HOOK3: variants seen among roughly 807,000 people sequenced by gnomAD.
HOOK3 encodes hook microtubule tethering protein 3.
In HOOK3, 24 loss-of-function variants were observed where a neutral mutation model predicts 116.3. The observed-to-expected ratio is 0.21, with a 90% CI of 0.15 to 0.29. The LOEUF is 0.29. Among genes scored for constraint, HOOK3 ranks in the 10% least tolerant of loss-of-function variants. The probability of loss-of-function intolerance (pLI) is 1.00; values close to 1 mark genes in which losing one functional copy is unlikely to be tolerated. For missense variants in HOOK3, 632 were observed against 830.2 expected (o/e 0.76, Z 2.93); for synonymous variants, 275 against 283.0 (o/e 0.97, Z 0.28).
At chr8:42,910,423 CAT>C (rs1451151242) in intron 2 of HOOK3, among the ~76,000 whole-genome samples, 1 of 151,984 alleles carries the variant, frequency 6.6e-6, no homozygotes, top group Non-Finnish European at 1.5e-5. Flanking sequence ...GATAATTTTG[CAT>C]ATATGTTTTG....
chr8:42,964,803 GGCAACAGA>G (rs1289198033), intron 9 of HOOK3, among the ~76,000 whole-genome samples: 1 of 151,622 alleles, frequency 6.6e-6, no homozygotes, highest in Admixed American at 6.6e-5. Flanking sequence ...CCCCAGCCTG[GGCAACAGA>G]ACGCGACTTT....
intron 2 of HOOK3, among the ~76,000 whole-genome samples, chr8:42,915,628 C>G (rs997648062): frequency 6.6e-6 from 1 of 152,024 alleles, no homozygotes; most frequent in Non-Finnish European, 1.5e-5. Context: ...GACGGGGTTT[C>G]ACTATGTTGG....
intron 13 of HOOK3, among the ~76,000 whole-genome samples, chr8:42,974,673 C>A (rs80202228): frequency 6.6e-6 from 1 of 152,364 alleles, no homozygotes; most frequent in Non-Finnish European, 1.5e-5. Context: ...ATTGCCTTTT[C>A]TTATTGGTCC....
chr8:42,939,052 G>A (rs1376315705), intron 4 of HOOK3, among the ~76,000 whole-genome samples: 1 of 152,180 alleles, frequency 6.6e-6, no homozygotes, highest in African/African-American at 2.4e-5. Context: ...CAGATCAACA[G>A]GATCCCAAGG....
chr8:42,951,168 C>G (rs942498728), intron 6 of HOOK3, among the ~76,000 whole-genome samples: 3 of 152,172 alleles, frequency 2.0e-5, no homozygotes, highest in Non-Finnish European at 4.4e-5. Context: ...TCAAGCAATT[C>G]TCCTGTCTCA....
intron 3 of HOOK3, among the ~76,000 whole-genome samples, chr8:42,929,383 C>A (rs1807830497): frequency 6.6e-6 from 1 of 152,138 alleles, no homozygotes; most frequent in Admixed American, 6.5e-5. Flanking sequence ...GCCTCAGTCC[C>A]TACTAGCTTC....
intron 3 of HOOK3, among the ~76,000 whole-genome samples, chr8:42,928,324 G>A (rs1372928720): frequency 4.0e-5 from 6 of 150,570 alleles, no homozygotes; most frequent in East Asian, 1.9e-4. Context: ...GGTGCCGGGC[G>A]CCTGTAATTC....
intron 2 of HOOK3, among the ~76,000 whole-genome samples, chr8:42,918,803 A>G (rs1193750246): frequency 2.0e-5 from 3 of 152,250 alleles, no homozygotes; most frequent in African/African-American, 7.2e-5. Context: ...ACAGAACAAA[A>G]TGGAGTCTCC....
In HOOK3 at chr8:43,013,129, C is replaced by T. The variant is rs1290797248; in HGVS notation, c.1918C>T (p.Arg640Ter). Residue 640 changes from arginine to a stop codon, truncating the protein, a stop_gained, in exon 20 of 22, where the codon CGA (arginine) becomes TGA (stop). Transcript: ENST00000307602. LOFTEE classifies it high-confidence loss of function. Reference protein sequence around the residue: ...IQALKNQLQERDRLFHSLEKE... With the variant: ...IQALKNQLQE ...AGCTCTTAAAAATCAGCTCCAGGAA[C>T]GAGACCGACTGTTCCACTCATTAGA... 1.9e-6 allele frequency: 3 copies of T among 1,611,222 alleles called. No homozygotes were observed. Among genetic ancestry groups the T allele is most frequent in the African/African-American group, 1.3e-5 (1 of 74,940 alleles).
rs1352449365 is a variant in HOOK3, at chr8:42,964,389, T to C, written c.694T>C (p.Ser232Pro). 2.0e-5 allele frequency: 33 copies of C among 1,613,978 alleles called. No homozygotes were observed. The highest frequency in any genetic ancestry group is 2.7e-5 in the Non-Finnish European group (32 of 1,179,994). Residue 232 changes from serine (S) to proline (P), a missense_variant, in exon 9 of 22, where the codon TCT (serine) becomes CCT (proline). By Grantham distance (74) the Ser-to-Pro change is moderately conservative. Around this residue, in one of 3 missense-constraint regions of HOOK3, gnomAD observed 483 missense variants for 648.1 expected, o/e 0.75. Transcript: ENST00000307602. ...AATGGAAAGACTCAATCAATCTGAT[T>C]CTATAGAAGACCCTAACAGTCCAGC... ...VLMERLNQSD[S>P]IEDPNSPAGR...
intron 2 of HOOK3, among the ~76,000 whole-genome samples, chr8:42,918,579 C>T (rs1188074768): frequency 6.6e-6 from 1 of 152,076 alleles, no homozygotes; most frequent in Non-Finnish European, 1.5e-5. Context: ...CTGCCGCCTT[C>T]CGCAGTGTTT....
intron 13 of HOOK3, among the ~76,000 whole-genome samples, chr8:42,981,189 G>T (rs568774908): frequency 6.6e-6 from 1 of 151,524 alleles, no homozygotes; most frequent in South Asian, 2.1e-4. Flanking sequence ...GTAGCTGGGA[G>T]TACAGGCATG....
chr8:42,921,392 T>G (rs776241740), intron 2 of HOOK3, among the ~76,000 whole-genome samples: 1 of 152,226 alleles, frequency 6.6e-6, no homozygotes, highest in Non-Finnish European at 1.5e-5. Flanking sequence ...CTTTTTAGGT[T>G]AAGGATCAAA....
At chr8:42,934,612 A>C (rs1807931481) in intron 4 of HOOK3, among the ~76,000 whole-genome samples, 1 of 150,822 alleles carries the variant, frequency 6.6e-6, no homozygotes, top group Non-Finnish European at 1.5e-5. Context: ...CTCACTGTTC[A>C]GTTCCCACCC....
In HOOK3 at chr8:42,997,546, C is replaced by T; in HGVS notation, c.1533-4C>T. 6.3e-7 allele frequency: 1 copy of T among 1,584,760 alleles called. No homozygotes were observed. The highest frequency in any genetic ancestry group is 2.2e-5 in the East Asian group (1 of 44,618). On this transcript the variant is annotated splice_region_variant and splice_polypyrimidine_tract_variant and intron_variant, in intron 15 of 21. Coordinates refer to ENST00000307602, the MANE Select transcript of HOOK3 (RefSeq NM_032410.4). ...TGGAAAATTAATGTACATTTCATTT[C>T]TAGGCTGGTGAATCAAAGACTTCTG...
chr8:42,921,282 T>G (rs1489909643), intron 2 of HOOK3, among the ~76,000 whole-genome samples: 2 of 152,096 alleles, frequency 1.3e-5, no homozygotes, highest in Admixed American at 6.6e-5. Flanking sequence ...TTCTTTGGCT[T>G]TGGATAGTCA....
At chr8:42,939,340 C>T (rs1368129608) in intron 4 of HOOK3, among the ~76,000 whole-genome samples, 6 of 150,272 alleles carry the variant, frequency 4.0e-5, no homozygotes, top group East Asian at 2.0e-4. Flanking sequence ...GCTGGTCGGG[C>T]GGGGGGCTGA....
intron 4 of HOOK3, among the ~76,000 whole-genome samples, chr8:42,940,064 C>T (rs1367061386): frequency 6.6e-6 from 1 of 152,192 alleles, no homozygotes; most frequent in African/African-American, 2.4e-5. Context: ...AGACGCTCCT[C>T]ACTTCCCAGA....
intron 2 of HOOK3, among the ~76,000 whole-genome samples, chr8:42,918,539 A>G (rs1210894093): frequency 6.6e-6 from 1 of 152,044 alleles, no homozygotes; most frequent in Non-Finnish European, 1.5e-5. Context: ...CATGTGAACA[A>G]AGGTCTCTGG....
Sources: allele counts gnomAD v4.1 joint callset (sites outside exome capture counted in the v4.1 genomes callset), GRCh38; gene constraint gnomAD v4.1.1; regional missense constraint gnomAD v4.1.1; transcripts MANE v1.5; gene names NCBI Gene and HGNC (gene_info 2026-07-23, HGNC 2026-07-21).